LRP1B: variants seen among roughly 807,000 people sequenced by gnomAD.
LRP1B encodes low-density lipoprotein receptor-related protein 1B.
A neutral mutation model predicts 556.6 loss-of-function variants in LRP1B; 217 were observed. The observed-to-expected ratio is 0.39, with a 90% CI of 0.35 to 0.44. The LOEUF is 0.44. LRP1B is among the 20% of genes least tolerant of loss of function. The pLI, the probability that LRP1B is intolerant of heterozygous loss-of-function variation, is 1.00. For missense variants in LRP1B, 5,053 were observed against 5,620.8 expected, an observed-to-expected ratio of 0.90 and a Z score of 3.23; for synonymous variants, 2,047 against 1,865.8, an observed-to-expected ratio of 1.10 and a Z score of -2.50.
At chr2:140,826,705 G>C (rs902560208) in intron 31 of LRP1B, among the ~76,000 whole-genome samples, 1 of 152,120 alleles carries the variant, frequency 6.6e-6, no homozygotes. Flanking sequence ...TCAAGGCAGA[G>C]CCAGCTTCCC....
At chr2:140,494,013 T>A (rs75296351) in intron 56 of LRP1B, among the ~76,000 whole-genome samples, 23,662 of 151,802 alleles carry the variant, frequency 0.16, 2,304 homozygotes, top group Non-Finnish European at 0.22. Context: ...AATTAATCAG[T>A]CATGTTCTAC....
intron 68 of LRP1B, among the ~76,000 whole-genome samples, chr2:140,376,709 CA>C (rs1159887608): frequency 6.6e-6 from 1 of 152,184 alleles, no homozygotes; most frequent in East Asian, 1.9e-4. Flanking sequence ...CGAGAAATTA[CA>C]TGTGTTTGTT....
intron 7 of LRP1B, among the ~76,000 whole-genome samples, chr2:141,126,373 C>G (rs930425174): frequency 1.3e-5 from 2 of 152,108 alleles, no homozygotes; most frequent in East Asian, 3.9e-4. Flanking sequence ...ACTCTTCTTC[C>G]TCGCCATTCG....
chr2:141,153,300 ATATAT>A (rs998963121), intron 7 of LRP1B, among the ~76,000 whole-genome samples: 16 of 122,658 alleles, frequency 1.3e-4, no homozygotes, highest in East Asian at 4.6e-4. Context: ...TTTATATATA[ATATAT>A]TATATATATT....
At position 141,529,305 on chromosome 2, in the gene LRP1B, T is replaced by A. The variant is rs560769549; in HGVS notation, c.206-48772A>T. ...CTGTTCCATTTTTAGTTAGCTGACG[T>A]GTATATTTCTTCAAAACCTAATAGA... On this transcript the variant is annotated intron_variant, in intron 2 of 90. Coordinates refer to ENST00000389484, the MANE Select transcript of LRP1B (RefSeq NM_018557.3). Among the ~76,000 whole-genome samples the A allele has an allele frequency of 1.1e-3, 167 of 152,336 alleles. 1 individual carries two copies. Among genetic ancestry groups the A allele is most frequent in the Non-Finnish European group, 1.5e-3 (105 of 68,024 alleles).
intron 41 of LRP1B, among the ~76,000 whole-genome samples, chr2:140,654,243 A>G (rs2105326835): frequency 6.6e-6 from 1 of 152,186 alleles, no homozygotes; most frequent in Non-Finnish European, 1.5e-5. Flanking sequence ...ACTTTTCTTC[A>G]ATGAATCTGG....
intron 3 of LRP1B, among the ~76,000 whole-genome samples, chr2:141,275,699 T>C (rs748824447): frequency 1.1e-4 from 16 of 152,158 alleles, no homozygotes; most frequent in Admixed American, 2.6e-4. Context: ...GATGACAGAG[T>C]GAGACCCTTT....
chr2:140,694,213 C>T lies in LRP1B; in HGVS notation c.6799+6037G>A, dbSNP rs146808774. On this transcript the variant is annotated intron_variant, in intron 41 of 90. Transcript: ENST00000389484. ...ATGTGAAATTTGTTAACTTAGATTA[C>T]AGGCATTTAAGGACACTAGTTTAAG... 3.9e-3 allele frequency among the ~76,000 whole-genome samples: 600 copies of T among 152,280 alleles called. 4 individuals carry two copies. Among genetic ancestry groups the T allele is most frequent in the African/African-American group, 0.013 (523 of 41,542 alleles).
At chr2:141,071,903 C>G (rs953364438) in intron 7 of LRP1B, among the ~76,000 whole-genome samples, 7 of 152,106 alleles carry the variant, frequency 4.6e-5, no homozygotes, top group African/African-American at 1.4e-4. Context: ...TAGGAAGAAT[C>G]AATATTGTGA....
At chr2:141,916,209 G>A (rs1700027133) in intron 1 of LRP1B, among the ~76,000 whole-genome samples, 1 of 152,160 alleles carries the variant, frequency 6.6e-6, no homozygotes, top group African/African-American at 2.4e-5. Context: ...TAAAGAAAAT[G>A]TGATACATAT....
chr2:141,067,803 G>A (rs746251779), intron 7 of LRP1B, among the ~76,000 whole-genome samples: 67 of 152,006 alleles, frequency 4.4e-4, no homozygotes, highest in Non-Finnish European at 6.8e-4. Flanking sequence ...CAAAGTATGC[G>A]GTCCACCTGG....
intron 3 of LRP1B, among the ~76,000 whole-genome samples, chr2:141,330,684 A>G (rs1345821823): frequency 6.6e-6 from 1 of 152,052 alleles, no homozygotes; most frequent in Non-Finnish European, 1.5e-5. Context: ...TTTCCTGGCA[A>G]GGCCAAGAAG....
chr2:141,027,531 T>C lies in LRP1B; in HGVS notation c.1790-7429A>G, dbSNP rs376089069. Among the ~76,000 whole-genome samples the C allele has an allele frequency of 3.9e-4, 60 of 152,244 alleles. No individual in the cohort carries two copies. The South Asian group carries it at 0.012, about 32-fold the overall frequency. On this transcript the variant is annotated intron_variant, in intron 11 of 90. Coordinates refer to ENST00000389484, the MANE Select transcript of LRP1B (RefSeq NM_018557.3). Reference sequence around the variant, plus strand: ...ACATGAGGAAAACCTGGGGCACTGTTATAAGCTACATGAGAAGGACAAGAC... The same window carrying C: ...ACATGAGGAAAACCTGGGGCACTGTCATAAGCTACATGAGAAGGACAAGAC...
intron 41 of LRP1B, among the ~76,000 whole-genome samples, chr2:140,668,814 G>C (rs1685379219): frequency 6.6e-6 from 1 of 151,780 alleles, no homozygotes; most frequent in Non-Finnish European, 1.5e-5. Context: ...CTGTGAAACT[G>C]ACCAGCACTT....
intron 3 of LRP1B, among the ~76,000 whole-genome samples, chr2:141,257,959 T>C (rs1435064929): frequency 6.6e-6 from 1 of 152,220 alleles, no homozygotes; most frequent in African/African-American, 2.4e-5. Context: ...GAAAACTTAT[T>C]TGAGTACAAC....
intron 5 of LRP1B, among the ~76,000 whole-genome samples, chr2:141,241,129 G>A (rs1389904997): frequency 6.6e-6 from 1 of 152,054 alleles, no homozygotes; most frequent in African/African-American, 2.4e-5. Flanking sequence ...AAAGTGTGTT[G>A]TATCATTTGG....
At chr2:140,417,488 C>T (rs1685249213) in intron 66 of LRP1B, among the ~76,000 whole-genome samples, 2 of 152,166 alleles carry the variant, frequency 1.3e-5, no homozygotes, top group African/African-American at 4.8e-5. Flanking sequence ...ATGTTAATAA[C>T]AAGGCAACAA....
At chr2:140,234,937 T>C in intron 89 of LRP1B, 53 bp from the exon 90 acceptor site, 1 of 737,322 alleles carries the variant, frequency 1.4e-6, no homozygotes. Context: ...AGAATCACTT[T>C]TCATCGATAC....
intron 3 of LRP1B, among the ~76,000 whole-genome samples, chr2:141,329,386 C>CAA (rs3038417): frequency 0.019 from 2,175 of 111,688 alleles, 94 homozygotes; most frequent in African/African-American, 0.066. Flanking sequence ...AAAACTCCGT[C>CAA]AAAAAAAAAA....
Sources: allele counts gnomAD v4.1 joint callset (sites outside exome capture counted in the v4.1 genomes callset), GRCh38; gene constraint gnomAD v4.1.1; transcripts MANE v1.5; gene names NCBI Gene and HGNC (gene_info 2026-07-23, HGNC 2026-07-21).